Variants in DCHS2 observed in about 807,000 individuals in gnomAD.
DCHS2 encodes the protein protocadherin-23.
Under a neutral mutation model 182.4 loss-of-function variants are expected in DCHS2, and 142 were observed. That is an observed-to-expected ratio of 0.78 (90% CI 0.68 to 0.89). The LOEUF (loss-of-function observed/expected upper bound fraction) is 0.89. Ranked by LOEUF, DCHS2 falls within the 40% of genes least tolerant of loss-of-function variation. The probability of loss-of-function intolerance (pLI) is 0.00; values close to 1 mark genes in which losing one functional copy is unlikely to be tolerated. For synonymous variants in DCHS2, 1,740 were observed against 1,663.3 expected (o/e 1.05, Z -1.12); for missense variants, 4,319 against 4,198.6 (o/e 1.03, Z -0.79).
rs986570198 is a variant in DCHS2, at chr4:154,490,257, C to T, written c.1099G>A (p.Val367Met). ...AVEELSGVVR[V>M]WRPLDREAQA... Reference sequence around the variant, plus strand: ...GCCTCGCGGTCCAGAGGTCTCCACACTCGCACCACGCCGCTCAGCTCCTCC... The same window carrying T: ...GCCTCGCGGTCCAGAGGTCTCCACATTCGCACCACGCCGCTCAGCTCCTCC... The change falls in exon 1 of 20, where the codon GTG (valine) becomes ATG (methionine). Residue 367 changes from valine to methionine, a missense_variant. Val to Met is a conservative substitution (Grantham distance 21). Coordinates refer to ENST00000357232, the MANE Select transcript of DCHS2 (RefSeq NM_001358235.2). The T allele has an allele frequency of 5.2e-6, 8 of 1,549,350 alleles. No homozygotes were observed. The highest frequency in any genetic ancestry group is 2.0e-5 in the Admixed American group (1 of 50,994).
At chr4:154,436,077 T>C (rs960764657) in intron 1 of DCHS2, among the ~76,000 whole-genome samples, 4 of 152,248 alleles carry the variant, frequency 2.6e-5, no homozygotes, top group Non-Finnish European at 5.9e-5. Flanking sequence ...TAACCTTCTT[T>C]ACTGCTCTCT....
Position 154,236,836 on chromosome 4 carries a change from G to GAA in DCHS2, c.7814_7815dup (p.His2606PhefsTer41). 6.2e-7 allele frequency: 1 copy of GAA among 1,614,076 alleles called. No individual in the cohort carries two copies. The highest frequency in any genetic ancestry group is 8.5e-7 in the Non-Finnish European group (1 of 1,179,974). On this transcript the variant is annotated frameshift_variant, in exon 20 of 20. Coordinates refer to ENST00000357232, the MANE Select transcript of DCHS2 (RefSeq NM_001358235.2). LOFTEE classifies it low-confidence loss of function (END_TRUNC). ...ACTTGCTTATAAGGATATTCTGAATGAAAGAACTTAGTTTCCACATGAAAA... is the reference window on the plus strand; with the variant it reads ...ACTTGCTTATAAGGATATTCTGAATGAAAAAGAACTTAGTTTCCACATGAAAA...
rs942488755 is a variant in DCHS2 at position 154,316,900 on chromosome 4, C to T, written c.5021-913G>A. On this transcript the variant is annotated intron_variant, in intron 9 of 19. Coordinates refer to ENST00000357232, the MANE Select transcript of DCHS2 (RefSeq NM_001358235.2). ...TAAACCACATAAGTCAGATGTAATA[C>T]ATACTGGCACACAGATAGCCATTAT... 3.3e-5 allele frequency among the ~76,000 whole-genome samples: 5 copies of T among 152,226 alleles called. No homozygotes were observed. In the East Asian group the frequency reaches 9.6e-4, roughly 29 times the overall value.
At chr4:154,346,457 CT>C (rs1331955201) in intron 3 of DCHS2, among the ~76,000 whole-genome samples, 7 of 152,316 alleles carry the variant, frequency 4.6e-5, no homozygotes, top group African/African-American at 4.8e-5. Flanking sequence ...CCCATAACAA[CT>C]TTGTCCCATG....
chr4:154,298,650 AGTGGTT>A lies in DCHS2; in HGVS notation c.5658_5663del (p.Thr1887_Thr1888del). ...TGATTTGCTCCCGGTCCAAAGCACG[AGTGGTT>A]GAGAGTTCTCCTGACATCTCATTTA... On this transcript the variant is annotated inframe_deletion, in exon 13 of 20. Coordinates refer to ENST00000357232, the MANE Select transcript of DCHS2 (RefSeq NM_001358235.2). 1 of 1,613,108 alleles carries A rather than the reference AGTGGTT, an allele frequency of 6.2e-7. No individual in the cohort carries two copies. The highest frequency in any genetic ancestry group is 1.1e-5 in the South Asian group (1 of 90,932).
chr4:154,445,390 G>T (rs781382723), intron 1 of DCHS2, among the ~76,000 whole-genome samples: 5 of 152,218 alleles, frequency 3.3e-5, no homozygotes, highest in African/African-American at 4.8e-5. Context: ...GGTCACTTAT[G>T]CAAGTAACCG....
At position 154,269,919 on chromosome 4, in the gene DCHS2, A is replaced by G; in HGVS notation, c.6558T>C (p.Leu2186=). ...GATTACCTGACTTAGAGCACAGGGA[A>G]AGAACTCCATCTTCATTTCCACTAA... ...SIFSGNEDGV[L]SLCSKSGQLT... is the part of the protein sequence containing the mutation. The change falls in exon 14 of 20, where the codon CTT becomes CTC. Residue 2186 remains leucine (L), a synonymous_variant. Transcript: ENST00000357232. 1 of 1,612,280 alleles carries G rather than the reference A, an allele frequency of 6.2e-7. No homozygotes were observed. The highest frequency in any genetic ancestry group is 8.5e-7 in the Non-Finnish European group (1 of 1,179,044).
intron 1 of DCHS2, among the ~76,000 whole-genome samples, chr4:154,389,494 G>A (rs2110842474): frequency 1.2e-5 from 1 of 80,048 alleles, no homozygotes; most frequent in East Asian, 2.7e-4. Flanking sequence ...CTGTCTCTAT[G>A]TTCTATTCCT....
intron 12 of DCHS2, among the ~76,000 whole-genome samples, chr4:154,299,348 AT>A (rs1250325855): frequency 1.3e-5 from 2 of 152,244 alleles, no homozygotes; most frequent in African/African-American, 4.8e-5. Flanking sequence ...CTTAAAAAAA[AT>A]CTGCCCTTTA....
chr4:154,330,088 T>C (rs1736460286), intron 5 of DCHS2, among the ~76,000 whole-genome samples: 1 of 152,208 alleles, frequency 6.6e-6, no homozygotes, highest in Non-Finnish European at 1.5e-5. Flanking sequence ...CTGACACAGG[T>C]TCTGGCTTTG....
chr4:154,416,241 G>A (rs908963689), intron 1 of DCHS2, among the ~76,000 whole-genome samples: 1 of 152,094 alleles, frequency 6.6e-6, no homozygotes, highest in African/African-American at 2.4e-5. Context: ...GATAGGCCCC[G>A]AGGACAGCCT....
At chr4:154,290,959 G>C (rs1734631951) in intron 13 of DCHS2, among the ~76,000 whole-genome samples, 1 of 152,032 alleles carries the variant, frequency 6.6e-6, no homozygotes. Flanking sequence ...AAGTTAAAAA[G>C]CTTCTGCATT....
intron 13 of DCHS2, chr4:154,272,147 A>G (rs986164299): frequency 2.0e-5 from 3 of 152,042 alleles, no homozygotes; most frequent in Admixed American, 6.6e-5. Flanking sequence ...GAAAACCACA[A>G]TTTCTTTTTC....
intron 1 of DCHS2, chr4:154,391,308 A>G (rs1374128670): frequency 6.4e-7 from 1 of 1,574,670 alleles, no homozygotes; most frequent in African/African-American, 1.3e-5. Flanking sequence ...GATTTTAAAT[A>G]TCTCCTATAT....
In DCHS2 at chr4:154,429,838, G is replaced by T. The variant is rs147232945; in HGVS notation, c.2053-52394C>A. Among the ~76,000 whole-genome samples the T allele has an allele frequency of 3.0e-3, 458 of 152,200 alleles. 3 individuals carry two copies. Among genetic ancestry groups the T allele is most frequent in the African/African-American group, 0.01 (425 of 41,528 alleles). ...CGACTCTGGAATAAATCCCTGCTGG[G>T]CTTTTCCCCTAGCTCTCCTCCTTAC... On this transcript the variant is annotated intron_variant, in intron 1 of 19. Transcript: ENST00000357232.
chr4:154,397,715 TACAAGTTCAC>T (rs956548039), intron 1 of DCHS2, among the ~76,000 whole-genome samples: 2 of 152,234 alleles, frequency 1.3e-5, no homozygotes, highest in African/African-American at 4.8e-5. Flanking sequence ...ATTGACTTTT[TACAAGTTCAC>T]TTTAAAAAAT....
rs1731419192 is a variant in DCHS2 at position 154,235,376 on chromosome 4, A to T, written c.9276T>A (p.Ser3092Arg). 6.2e-7 allele frequency: 1 copy of T among 1,613,914 alleles called. No homozygotes were observed. The highest frequency in any genetic ancestry group is 1.3e-5 in the African/African-American group (1 of 74,904). ...IVNLYRHSNS[S>R]GHCSVEGETA... ...TTTCTCCTTCCACAGAACAGTGGCC[A>T]CTGGAGTTTGAGTGTCTGTACAGAT... Residue 3092 changes from serine to arginine, a missense_variant, in exon 20 of 20, where the codon AGT becomes AGA. Physicochemically the swap from Ser to Arg is moderately radical, Grantham distance 110. Coordinates refer to ENST00000357232, the MANE Select transcript of DCHS2 (RefSeq NM_001358235.2).
chr4:154,371,909 CA>C (rs1374786951), intron 2 of DCHS2, among the ~76,000 whole-genome samples: 3 of 152,194 alleles, frequency 2.0e-5, no homozygotes, highest in African/African-American at 7.2e-5. Context: ...ACACCTGCCA[CA>C]AGGCCCTACC....
At chr4:154,426,750 A>C (rs1344246242) in intron 1 of DCHS2, among the ~76,000 whole-genome samples, 1 of 113,426 alleles carries the variant, frequency 8.8e-6, no homozygotes, top group African/African-American at 2.9e-5. Flanking sequence ...CCTGGGCAAC[A>C]TAGTGAGACT....
Sources: allele counts gnomAD v4.1 joint callset (sites outside exome capture counted in the v4.1 genomes callset), GRCh38; gene constraint gnomAD v4.1.1; transcripts MANE v1.5; gene names NCBI Gene and HGNC (gene_info 2026-07-23, HGNC 2026-07-21).